The following ZMIZ1 variants were observed in gnomAD, a reference collection of about 807,000 sequenced individuals.
The protein encoded by ZMIZ1 is zinc finger MIZ domain-containing protein 1.
Under a neutral mutation model 113.9 loss-of-function variants are expected in ZMIZ1, and 17 were observed. The observed-to-expected ratio is 0.15, with a 90% CI of 0.10 to 0.22. ZMIZ1 has a LOEUF of 0.22. Ranked by LOEUF, ZMIZ1 falls within the 10% of genes least tolerant of loss-of-function variation. ZMIZ1 has a pLI of 1.00. For missense variants in ZMIZ1, 1,059 were observed against 1,477.8 expected (o/e 0.72, Z 4.65); for synonymous variants, 607 against 603.1 (o/e 1.01, Z -0.09).
intron 1 of ZMIZ1, among the ~76,000 whole-genome samples, chr10:79,105,365 C>A (rs1843517881): frequency 6.6e-6 from 1 of 152,234 alleles, no homozygotes; most frequent in African/African-American, 2.4e-5. Flanking sequence ...TGCTGTGTGA[C>A]CTGGGGCCAT....
intron 8 of ZMIZ1, among the ~76,000 whole-genome samples, chr10:79,286,588 C>A (rs1023996896): frequency 1.3e-5 from 2 of 152,256 alleles, no homozygotes; most frequent in African/African-American, 4.8e-5. Flanking sequence ...ACGGATGTGT[C>A]CTCCATATGC....
chr10:79,194,666 G>A lies in ZMIZ1; in HGVS notation c.-49-6918G>A, dbSNP rs944799730. ...GGGGCTCCAGCCCAGCTCTGCTCAC[G>A]ATGCCCTCCGTGTCCTCTTCCTCTC... On this transcript the variant is annotated intron_variant, in intron 4 of 24. Coordinates refer to ENST00000334512, the MANE Select transcript of ZMIZ1 (RefSeq NM_020338.4). Among the ~76,000 whole-genome samples, 28 of 152,320 alleles carry A rather than the reference G, an allele frequency of 1.8e-4. No homozygotes were observed. In the South Asian group the frequency reaches 1.9e-3, roughly 10 times the overall value.
At chr10:79,239,180 G>C (rs1564542773) in intron 7 of ZMIZ1, among the ~76,000 whole-genome samples, 4 of 152,236 alleles carry the variant, frequency 2.6e-5, no homozygotes, top group African/African-American at 9.6e-5. Flanking sequence ...GCCCCAGGAA[G>C]GGGTCTCTGG....
intron 1 of ZMIZ1, among the ~76,000 whole-genome samples, chr10:79,104,352 C>T (rs1843477783): frequency 1.3e-5 from 2 of 152,090 alleles, no homozygotes; most frequent in South Asian, 4.2e-4. Flanking sequence ...AAGCCATGTG[C>T]AGGGTGGTCA....
At chr10:79,254,287 G>T (rs1218548812) in intron 7 of ZMIZ1, among the ~76,000 whole-genome samples, 1 of 152,232 alleles carries the variant, frequency 6.6e-6, no homozygotes, top group Non-Finnish European at 1.5e-5. Flanking sequence ...ACCCCAAGTG[G>T]ACCTGCAGGG....
intron 23 of ZMIZ1, 75 bp downstream of exon 23, chr10:79,307,646 C>T (rs1258010310): frequency 1.2e-5 from 18 of 1,496,908 alleles, no homozygotes; most frequent in South Asian, 3.6e-5. Context: ...ATACCCTGTT[C>T]CCTCCCAGGC....
rs1486046691 is a variant in ZMIZ1 at position 79,310,958 on chromosome 10, C to T, written c.2870C>T (p.Pro957Leu). Residue 957 changes from proline to leucine, a missense_variant, in exon 24 of 25, where the codon CCC (proline) becomes CTC (leucine). Coordinates refer to ENST00000334512, the MANE Select transcript of ZMIZ1 (RefSeq NM_020338.4). The part of the protein sequence containing the change: ...PHAGSSDQPH[P>L]SIQQGLHVPH... Reference sequence around the variant, plus strand: ...GCTGGCAGCTCTGACCAGCCCCACCCCTCCATACAACAAGGTTTGCACGTA... The same window carrying T: ...GCTGGCAGCTCTGACCAGCCCCACCTCTCCATACAACAAGGTTTGCACGTA... 1.9e-6 allele frequency: 3 copies of T among 1,613,848 alleles called. No individual in the cohort carries two copies. Among genetic ancestry groups the T allele is most frequent in the Non-Finnish European group, 2.5e-6 (3 of 1,179,972 alleles).
intron 2 of ZMIZ1, among the ~76,000 whole-genome samples, chr10:79,124,398 C>T (rs990938591): frequency 3.3e-5 from 5 of 152,220 alleles, no homozygotes; most frequent in African/African-American, 1.2e-4. Context: ...TATAGTGGAG[C>T]TAGGACTCAG....
intron 3 of ZMIZ1, among the ~76,000 whole-genome samples, chr10:79,154,321 C>G (rs1845819283): frequency 6.6e-6 from 1 of 152,144 alleles, no homozygotes; most frequent in African/African-American, 2.4e-5. Context: ...GAGCCTCTGC[C>G]AGGCCCATTT....
Position 79,314,295 on chromosome 10 carries a change from A to G in ZMIZ1, c.*1546A>G, listed in dbSNP as rs1855398049. Reference sequence around the variant, plus strand: ...CCCGTCACTGGGGTCCCATCTGTAAATTCTTTGCGCCCTTCCCGGCTGCTG... The same window carrying G: ...CCCGTCACTGGGGTCCCATCTGTAAGTTCTTTGCGCCCTTCCCGGCTGCTG... On this transcript the variant is annotated 3_prime_UTR_variant, in exon 25 of 25. Coordinates refer to ENST00000334512, the MANE Select transcript of ZMIZ1 (RefSeq NM_020338.4). 2.2e-6 allele frequency: 1 copy of G among 455,894 alleles called. No homozygotes were observed. The highest frequency in any genetic ancestry group is 4.4e-6 in the Non-Finnish European group (1 of 226,360). 28.2% of individuals were successfully genotyped at this position (455,894 alleles called of 1,614,324 possible).
Position 79,289,832 on chromosome 10 carries a change from C to A in ZMIZ1, c.483C>A (p.Pro161=), listed in dbSNP as rs572651020. 5.6e-6 allele frequency: 9 copies of A among 1,614,124 alleles called. No individual in the cohort carries two copies. Among genetic ancestry groups the A allele is most frequent in the Non-Finnish European group, 7.6e-6 (9 of 1,179,948 alleles). Residue 161 remains proline (P), a synonymous_variant, in exon 9 of 25, where the codon CCC becomes CCA. Transcript: ENST00000334512. ...GGCAGCAGAACACCAACCAGCCTCC[C>A]GGCTCCCTTTCCGTGGTCACCACGG... The part of the protein sequence containing the change: ...VPWQQNTNQP[P]GSLSVVTTVW...
chr10:79,115,335 C>T (rs1314428620), intron 1 of ZMIZ1, among the ~76,000 whole-genome samples: 1 of 152,208 alleles, frequency 6.6e-6, no homozygotes, highest in Non-Finnish European at 1.5e-5. Context: ...ATGTCTTTCC[C>T]TCTCCCAGCC....
At chr10:79,199,479 C>A (rs575445972) in intron 4 of ZMIZ1, among the ~76,000 whole-genome samples, 1 of 151,920 alleles carries the variant, frequency 6.6e-6, no homozygotes, top group Non-Finnish European at 1.5e-5. Context: ...GCACTCCAGC[C>A]TGGGCGACAA....
At chr10:79,208,071 G>GTCTAATCCACTAATCCACTGGGGTGGGGA (rs1848397573) in intron 5 of ZMIZ1, among the ~76,000 whole-genome samples, 2 of 146,020 alleles carry the variant, frequency 1.4e-5, no homozygotes, top group Non-Finnish European at 3.0e-5. Flanking sequence ...GGAGGTGAGG[G>GTCTAATCCACTAATCCACTGGGGTGGGGA]TGGGGGTGGA....
chr10:79,210,506 G>A (rs990873205), intron 6 of ZMIZ1, among the ~76,000 whole-genome samples: 2 of 152,246 alleles, frequency 1.3e-5, no homozygotes, highest in South Asian at 4.1e-4. Flanking sequence ...AGGGGCAAGG[G>A]TACAGGGCAG....
At chr10:79,229,902 A>T (rs561927664) in intron 7 of ZMIZ1, among the ~76,000 whole-genome samples, 1 of 152,218 alleles carries the variant, frequency 6.6e-6, no homozygotes, top group South Asian at 2.1e-4. Flanking sequence ...CCATCAGTTT[A>T]CATAGGTGAG....
At chr10:79,226,443 G>A (rs978780709) in intron 7 of ZMIZ1, among the ~76,000 whole-genome samples, 2 of 152,214 alleles carry the variant, frequency 1.3e-5, no homozygotes, top group African/African-American at 4.8e-5. Context: ...CCAGGACAGA[G>A]GTCCTGCCAA....
rs761980230 is a variant in ZMIZ1, at chr10:79,306,147, C to T, written c.2471C>T (p.Pro824Leu). ...VTIDPTCSWR[P>L]VPIKSDLHIK... ...ATCGATCCCACGTGCAGCTGGCGGC[C>T]GGTGCCCATCAAGTCGGACTTACAC... The change falls in exon 22 of 25, where the codon CCG becomes CTG. Residue 824 changes from proline to leucine, a missense_variant. Physicochemically the swap from Pro to Leu is moderately conservative, Grantham distance 98 (BLOSUM62 -3). Transcript: ENST00000334512. 28 of 1,613,810 alleles carry T rather than the reference C, an allele frequency of 1.7e-5. No homozygotes were observed. The highest frequency in any genetic ancestry group is 2.2e-5 in the East Asian group (1 of 44,886).
intron 3 of ZMIZ1, among the ~76,000 whole-genome samples, chr10:79,157,054 G>C (rs1383984667): frequency 6.6e-6 from 1 of 152,074 alleles, no homozygotes; most frequent in East Asian, 1.9e-4. Flanking sequence ...GCATGGAGGA[G>C]GTGGCTCTTT....
Sources: gnomAD v4.1 joint callset for allele counts (sites outside exome capture counted in the v4.1 genomes callset) on GRCh38, gnomAD v4.1.1 for gene constraint, MANE v1.5 for transcripts, NCBI Gene and HGNC (gene_info 2026-07-23, HGNC 2026-07-21) for gene names.